The following UGT1A6 variants were observed in gnomAD, a reference collection of about 807,000 sequenced individuals.
UGT1A6 encodes the protein UDP-glucuronosyltransferase 1A6.
UGT1A6 carries 32 observed loss-of-function variants against 44.4 expected under a neutral mutation model. The ratio of observed to expected loss-of-function variants is 0.72; its 90% confidence interval spans 0.54 to 0.97. The LOEUF (loss-of-function observed/expected upper bound fraction) is 0.97, where lower values mean the gene tolerates loss of function less well. Among genes scored for constraint, UGT1A6 ranks in the 50% least tolerant of loss-of-function variants. The pLI is 0.00. For missense variants in UGT1A6, 685 were observed against 661.9 expected, an observed-to-expected ratio of 1.03 and a Z score of -0.38; for synonymous variants, 238 against 248.5, an observed-to-expected ratio of 0.96 and a Z score of 0.40.
intron 1 of UGT1A6, chr2:233,739,030 G>A (rs1034959985): frequency 1.3e-5 from 2 of 152,264 alleles, no homozygotes; most frequent in African/African-American, 4.8e-5. Flanking sequence ...TGGCTAAAAG[G>A]GGCCAAGGTA....
chr2:233,738,818 A>T (rs779696858), intron 1 of UGT1A6: 1 of 152,242 alleles, frequency 6.6e-6, no homozygotes. Context: ...AGAAATTTGA[A>T]TAAATAAGGA....
At chr2:233,704,862 G>T (rs991681240) in intron 1 of UGT1A6, among the ~76,000 whole-genome samples, 2 of 152,056 alleles carry the variant, frequency 1.3e-5, no homozygotes, top group African/African-American at 4.8e-5. Context: ...GGCCGGGCAC[G>T]GTGGCTCACT....
chr2:233,722,032 C>A, intron 1 of UGT1A6: 1 of 244,322 alleles, frequency 4.1e-6, no homozygotes, highest in Non-Finnish European at 8.2e-6. Flanking sequence ...TCTTGAATTG[C>A]ATGATTTTGT....
At chr2:233,752,938 T>C (rs1691143472) in intron 1 of UGT1A6, among the ~76,000 whole-genome samples, 1 of 152,262 alleles carries the variant, frequency 6.6e-6, no homozygotes, top group African/African-American at 2.4e-5. Context: ...CACTCTTTGC[T>C]GACCACTGAA....
chr2:233,762,496 C>A (rs923496675), intron 1 of UGT1A6, among the ~76,000 whole-genome samples: 3 of 152,178 alleles, frequency 2.0e-5, no homozygotes, highest in Non-Finnish European at 4.4e-5. Flanking sequence ...AATGCTATTA[C>A]TTTTTAAACT....
At chr2:233,739,807 G>T (rs527239626) in intron 1 of UGT1A6, among the ~76,000 whole-genome samples, 26 of 152,152 alleles carry the variant, frequency 1.7e-4, no homozygotes, top group African/African-American at 5.3e-4. Flanking sequence ...GGGAAGGCAT[G>T]ATTGGTTTTT....
At chr2:233,765,847 T>G (rs531904348) in intron 1 of UGT1A6, among the ~76,000 whole-genome samples, 5 of 152,168 alleles carry the variant, frequency 3.3e-5, no homozygotes, top group African/African-American at 9.6e-5. Context: ...CTTGTCCCCC[T>G]CACAGAGCAT....
intron 1 of UGT1A6, among the ~76,000 whole-genome samples, chr2:233,744,630 C>T (rs1387499679): frequency 6.6e-6 from 1 of 151,854 alleles, no homozygotes. Context: ...GAGGTGGATT[C>T]TCATGTCAGC....
chr2:233,692,800 C>T (rs2075115149), upstream of UGT1A6: 2 of 1,393,480 alleles, frequency 1.4e-6, no homozygotes, highest in African/African-American at 2.9e-5. Flanking sequence ...GCTGACACGG[C>T]CATAGTTGGT....
chr2:233,766,442 C>CT (rs982093013), intron 1 of UGT1A6, among the ~76,000 whole-genome samples: 2 of 152,206 alleles, frequency 1.3e-5, no homozygotes, highest in African/African-American at 4.8e-5. Flanking sequence ...ACCTGTGTGT[C>CT]TGCCTGCTAG....
chr2:233,747,124 G>A, intron 1 of UGT1A6: 2 of 1,489,224 alleles, frequency 1.3e-6, no homozygotes, highest in Non-Finnish European at 1.8e-6. Flanking sequence ...TTTGCTAAGT[G>A]GCTCAGTGAC....
At chr2:233,763,211 A>C (rs985100909) in intron 1 of UGT1A6, among the ~76,000 whole-genome samples, 2 of 152,222 alleles carry the variant, frequency 1.3e-5, no homozygotes, top group Non-Finnish European at 2.9e-5. Context: ...AGTCAGGCTT[A>C]GGTGTGAAAA....
chr2:233,757,537 T>TATATATACATATAC lies in UGT1A6; in HGVS notation c.862-9490_862-9489insCATATACATATATA, dbSNP rs1472416448. Among the ~76,000 whole-genome samples the TATATATACATATAC allele has an allele frequency of 1.3e-3, 136 of 107,742 alleles. 2 individuals carry two copies. Among genetic ancestry groups the TATATATACATATAC allele is most frequent in the African/African-American group, 3.9e-3 (84 of 21,496 alleles). 70.7% of individuals were successfully genotyped at this position (107,742 alleles called of 152,430 possible). A position where few individuals can be genotyped will look rare whatever the true frequency, so the allele number is the denominator to read the frequency against. ...AAGCCAAAATCTTGCCTGTAAGGAA[T>TATATATACATATAC]ATATATATATATATATATATATATG... On this transcript the variant is annotated intron_variant, in intron 1 of 4. Transcript: ENST00000305139.
At chr2:233,741,469 A>T (rs1331222239) in intron 1 of UGT1A6, 1 of 151,940 alleles carries the variant, frequency 6.6e-6, no homozygotes, top group African/African-American at 2.4e-5. Context: ...CACACATGTA[A>T]GTTCCCTCGT....
intron 1 of UGT1A6, among the ~76,000 whole-genome samples, chr2:233,731,871 C>T (rs542174312): frequency 1.3e-5 from 2 of 152,330 alleles, no homozygotes; most frequent in South Asian, 4.1e-4. Flanking sequence ...CTGTCTTCCA[C>T]AATGGTTGAA....
At chr2:233,747,106 C>T (rs1693563001) in intron 1 of UGT1A6, 1 of 1,377,620 alleles carries the variant, frequency 7.3e-7, no homozygotes, top group African/African-American at 1.5e-5. Context: ...CTTCCAATTA[C>T]ATGATGATTT....
intron 1 of UGT1A6, among the ~76,000 whole-genome samples, chr2:233,763,888 CT>C (rs1451970704): frequency 2.0e-5 from 3 of 152,126 alleles, no homozygotes; most frequent in Non-Finnish European, 1.5e-5. Flanking sequence ...AGAAAAATAA[CT>C]AAACAGAAGA....
chr2:233,757,535 A>AATAT (rs67292694), intron 1 of UGT1A6, among the ~76,000 whole-genome samples: 4,411 of 88,266 alleles, frequency 0.05, 328 homozygotes, highest in Non-Finnish European at 0.062. Context: ...GCCTGTAAGG[A>AATAT]ATATATATAT....
chr2:233,756,486 T>G (rs1239866709), intron 1 of UGT1A6: 1 of 152,220 alleles, frequency 6.6e-6, no homozygotes, highest in East Asian at 1.9e-4. Context: ...TCTGCAGATG[T>G]GAAGCCCAAG....
Sources: gnomAD v4.1 joint callset for allele counts (sites outside exome capture counted in the v4.1 genomes callset) on GRCh38, gnomAD v4.1.1 for gene constraint, MANE v1.5 for transcripts, NCBI Gene and HGNC (gene_info 2026-07-23, HGNC 2026-07-21) for gene names.